ARHGAP15: variants seen among roughly 807,000 people sequenced by gnomAD.
The protein encoded by ARHGAP15 is Rho GTPase activating protein 15.
Under a neutral mutation model 63.7 loss-of-function variants are expected in ARHGAP15, and 51 were observed. The ratio of observed to expected loss-of-function variants is 0.80; its 90% CI spans 0.64 to 1.01. The LOEUF is 1.01. Ranked by LOEUF, ARHGAP15 falls within the 50% of genes least tolerant of loss-of-function variation. The pLI is 0.00. For missense variants in ARHGAP15, 560 were observed against 564.6 expected, an observed-to-expected ratio of 0.99 and a Z score of 0.08; for synonymous variants, 191 against 193.8, an observed-to-expected ratio of 0.99 and a Z score of 0.12.
At chr2:143,724,655 T>C (rs1181839118) in intron 13 of ARHGAP15, among the ~76,000 whole-genome samples, 1 of 152,080 alleles carries the variant, frequency 6.6e-6, no homozygotes, top group Non-Finnish European at 1.5e-5. Flanking sequence ...AAATGTAGGT[T>C]TGGGAATTAG....
chr2:143,768,025 G>C lies in ARHGAP15; in HGVS notation c.1281G>C (p.Thr427=). ...VAKASKNLMS[T]QSLGIVFGPT... ...AAGCCTCCAAGAACCTCATGTCCACGCAAAGCTTGGGGATTGTATTTGGAC... is the reference window on the plus strand; with the variant it reads ...AAGCCTCCAAGAACCTCATGTCCACCCAAAGCTTGGGGATTGTATTTGGAC... The change falls in exon 14 of 14, where the codon ACG becomes ACC. Residue 427 remains threonine, a synonymous_variant. Coordinates refer to ENST00000295095, the MANE Select transcript of ARHGAP15 (RefSeq NM_018460.4). The C allele has an allele frequency of 1.9e-6, 3 of 1,613,336 alleles. No homozygotes were observed. The highest frequency in any genetic ancestry group is 2.5e-6 in the Non-Finnish European group (3 of 1,179,658).
intron 6 of ARHGAP15, among the ~76,000 whole-genome samples, chr2:143,332,237 A>G (rs1444197386): frequency 6.6e-6 from 1 of 152,198 alleles, no homozygotes; most frequent in Admixed American, 6.5e-5. Context: ...GTAGAAGGAA[A>G]GGGAACTAAT....
intron 6 of ARHGAP15, among the ~76,000 whole-genome samples, chr2:143,259,703 G>T (rs1680622092): frequency 6.6e-6 from 1 of 152,138 alleles, no homozygotes. Context: ...TCATTCATCT[G>T]ATGGCAGTCC....
At chr2:143,512,990 T>A (rs1693656569) in intron 9 of ARHGAP15, among the ~76,000 whole-genome samples, 1 of 152,238 alleles carries the variant, frequency 6.6e-6, no homozygotes, top group Non-Finnish European at 1.5e-5. Context: ...AGAAGAAGCG[T>A]TGCTTTGTTC....
At chr2:143,533,127 T>C (rs1396318029) in intron 10 of ARHGAP15, 1 of 152,214 alleles carries the variant, frequency 6.6e-6, no homozygotes, top group Non-Finnish European at 1.5e-5. Flanking sequence ...TCCTGAATCA[T>C]TTCTGATCAC....
At chr2:143,630,999 T>A (rs1468496590) in intron 12 of ARHGAP15, among the ~76,000 whole-genome samples, 3 of 152,046 alleles carry the variant, frequency 2.0e-5, no homozygotes, top group Non-Finnish European at 4.4e-5. Flanking sequence ...TGCTCTGCAC[T>A]CCCATCCCAA....
chr2:143,711,572 C>T (rs1684582007), intron 13 of ARHGAP15, among the ~76,000 whole-genome samples: 1 of 152,180 alleles, frequency 6.6e-6, no homozygotes, highest in Non-Finnish European at 1.5e-5. Flanking sequence ...AGATTATGAG[C>T]CTCTAACGTT....
chr2:143,745,337 C>T (rs1686123500), intron 13 of ARHGAP15, among the ~76,000 whole-genome samples: 1 of 152,240 alleles, frequency 6.6e-6, no homozygotes, highest in African/African-American at 2.4e-5. Flanking sequence ...CCTTCAGGGT[C>T]CTTTCTCACA....
intron 8 of ARHGAP15, among the ~76,000 whole-genome samples, chr2:143,484,471 G>T (rs1311462597): frequency 6.6e-6 from 1 of 152,066 alleles, no homozygotes; most frequent in Non-Finnish European, 1.5e-5. Context: ...AGTGGAAGTT[G>T]CAGTGAGCTG....
chr2:143,679,500 A>G (rs1006215317), intron 12 of ARHGAP15, among the ~76,000 whole-genome samples: 3 of 152,200 alleles, frequency 2.0e-5, no homozygotes, highest in Non-Finnish European at 4.4e-5. Flanking sequence ...GCCATTAGGA[A>G]AATCTATTTC....
At chr2:143,144,395 T>C (rs1207009623) in intron 1 of ARHGAP15, among the ~76,000 whole-genome samples, 1 of 152,014 alleles carries the variant, frequency 6.6e-6, no homozygotes, top group South Asian at 2.1e-4. Flanking sequence ...ATTCCTTTTA[T>C]GAACTATTTT....
chr2:143,581,300 C>A (rs1696893948), intron 11 of ARHGAP15, among the ~76,000 whole-genome samples: 1 of 152,100 alleles, frequency 6.6e-6, no homozygotes, highest in African/African-American at 2.4e-5. Flanking sequence ...GGCAAACAAG[C>A]AACTTGCTGT....
intron 1 of ARHGAP15, among the ~76,000 whole-genome samples, chr2:143,143,315 A>G (rs893290215): frequency 2.6e-5 from 4 of 152,094 alleles, no homozygotes; most frequent in Admixed American, 2.6e-4. Flanking sequence ...CCTAGAAAGA[A>G]GAGGATACAT....
intron 8 of ARHGAP15, among the ~76,000 whole-genome samples, chr2:143,444,427 T>C (rs1690041320): frequency 6.6e-6 from 1 of 152,230 alleles, no homozygotes; most frequent in South Asian, 2.1e-4. Flanking sequence ...TCACAGCAGA[T>C]TTAAAGAATC....
intron 1 of ARHGAP15, among the ~76,000 whole-genome samples, chr2:143,147,519 A>G (rs1214951132): frequency 6.6e-6 from 1 of 151,992 alleles, no homozygotes; most frequent in Admixed American, 6.6e-5. Context: ...TGTAATTACA[A>G]TGGCGCAGGC....
At chr2:143,640,867 T>C (rs1287581085) in intron 12 of ARHGAP15, 1 of 152,198 alleles carries the variant, frequency 6.6e-6, no homozygotes, top group African/African-American at 2.4e-5. Flanking sequence ...GGACACTTCC[T>C]GCAGACCTGA....
intron 8 of ARHGAP15, among the ~76,000 whole-genome samples, chr2:143,439,065 G>T (rs192750014): frequency 6.6e-6 from 1 of 152,138 alleles, no homozygotes; most frequent in Admixed American, 6.5e-5. Flanking sequence ...CTTCTCTTTA[G>T]AATCTATTTT....
chr2:143,394,178 T>C (rs888090761), intron 6 of ARHGAP15, among the ~76,000 whole-genome samples: 1 of 152,198 alleles, frequency 6.6e-6, no homozygotes, highest in Non-Finnish European at 1.5e-5. Flanking sequence ...CGACACACAC[T>C]TAACTTCCAT....
intron 6 of ARHGAP15, among the ~76,000 whole-genome samples, chr2:143,346,288 C>A (rs1378302038): frequency 6.7e-6 from 1 of 149,154 alleles, no homozygotes; most frequent in Non-Finnish European, 1.5e-5. Context: ...ACAAACACAC[C>A]AGGGAGAGGA....
Sources: gnomAD v4.1 joint callset for allele counts (sites outside exome capture counted in the v4.1 genomes callset) on GRCh38, gnomAD v4.1.1 for gene constraint, MANE v1.5 for transcripts, NCBI Gene and HGNC (gene_info 2026-07-23, HGNC 2026-07-21) for gene names.